The following FMN2 variants were observed in gnomAD, a reference collection of about 807,000 sequenced individuals.
FMN2 encodes the protein formin-2.
A neutral mutation model predicts 142.3 loss-of-function variants in FMN2; 51 were observed. The ratio of observed to expected loss-of-function variants is 0.36; its 90% confidence interval spans 0.29 to 0.45. FMN2 has a LOEUF of 0.45. FMN2 is among the 20% of genes least tolerant of loss of function. The pLI, the probability that FMN2 is intolerant of heterozygous loss-of-function variation, is 1.00. For missense variants in FMN2, 1,936 were observed against 2,122.8 expected, an observed-to-expected ratio of 0.91 and a Z score of 1.73; for synonymous variants, 882 against 869.8, an observed-to-expected ratio of 1.01 and a Z score of -0.25.
In FMN2 at chr1:240,222,970, C is replaced by T. The variant is rs142094846; in HGVS notation, c.4065+11735C>T. ...CAATTTGACTTCCTATTTGAATACC[C>T]TTTATTTCTTTCTTTTGCCTGATTG... On this transcript the variant is annotated intron_variant, in intron 6 of 17. Coordinates refer to ENST00000319653, the MANE Select transcript of FMN2 (RefSeq NM_020066.5). 4.5e-3 allele frequency among the ~76,000 whole-genome samples: 681 copies of T among 152,126 alleles called. 5 individuals are homozygous for T. The highest frequency in any genetic ancestry group is 0.016 in the African/African-American group (666 of 41,518).
At chr1:240,286,422 C>T (rs1669592323) in intron 7 of FMN2, among the ~76,000 whole-genome samples, 1 of 152,192 alleles carries the variant, frequency 6.6e-6, no homozygotes, top group Non-Finnish European at 1.5e-5. Context: ...TCATCCAGTG[C>T]TCCTTGTTTC....
intron 16 of FMN2, among the ~76,000 whole-genome samples, chr1:240,461,270 C>A (rs1186844016): frequency 2.0e-5 from 3 of 152,110 alleles, no homozygotes; most frequent in Non-Finnish European, 4.4e-5. Context: ...GGTAATTTGG[C>A]CATTTTAAGT....
intron 14 of FMN2, among the ~76,000 whole-genome samples, chr1:240,373,738 C>T (rs938211762): frequency 6.6e-6 from 1 of 152,156 alleles, no homozygotes; most frequent in African/African-American, 2.4e-5. Context: ...AGACTTGAGC[C>T]CCTGCAAGTC....
At chr1:240,467,951 A>AT (rs549001801) in intron 16 of FMN2, among the ~76,000 whole-genome samples, 26 of 151,796 alleles carry the variant, frequency 1.7e-4, no homozygotes, top group African/African-American at 2.9e-4. Flanking sequence ...GTGTTGTTTG[A>AT]TTTTTTTTCC....
chr1:240,251,648 A>T (rs759756501), intron 6 of FMN2, among the ~76,000 whole-genome samples: 1 of 152,086 alleles, frequency 6.6e-6, no homozygotes, highest in Non-Finnish European at 1.5e-5. Flanking sequence ...AGATGATCCT[A>T]CTGTTGCTGA....
chr1:240,313,387 C>T (rs1670659443), intron 8 of FMN2, among the ~76,000 whole-genome samples: 1 of 152,036 alleles, frequency 6.6e-6, no homozygotes, highest in South Asian at 2.1e-4. Context: ...TAAAGTAGTG[C>T]AGTAATGTAT....
intron 13 of FMN2, 138 bp downstream of exon 13, chr1:240,334,367 A>T (rs555308282): frequency 4.9e-6 from 5 of 1,023,966 alleles, no homozygotes; most frequent in East Asian, 5.6e-5. Context: ...CGAAAGAACA[A>T]TTTTGCCTAT....
intron 14 of FMN2, among the ~76,000 whole-genome samples, chr1:240,372,706 A>G (rs2103071195): frequency 6.6e-6 from 1 of 150,918 alleles, no homozygotes; most frequent in African/African-American, 2.4e-5. Context: ...GATATTACAG[A>G]CCACCACAGT....
intron 2 of FMN2, among the ~76,000 whole-genome samples, chr1:240,165,729 A>G (rs938139051): frequency 4.6e-5 from 7 of 151,986 alleles, no homozygotes; most frequent in South Asian, 2.1e-4. Context: ...CTGGGGCACT[A>G]ATATTCCAAG....
rs755962040 is a variant in FMN2, at chr1:240,211,222, C to A, written c.4052C>A (p.Thr1351Lys). 14 of 1,611,490 alleles carry A rather than the reference C, an allele frequency of 8.7e-6. No individual in the cohort carries two copies. Among genetic ancestry groups the A allele is most frequent in the Non-Finnish European group, 1.2e-5 (14 of 1,179,394 alleles). Residue 1351 changes from threonine (T) to lysine (K), a missense_variant, in exon 6 of 18, where the codon ACG becomes AAG. Thr to Lys is a moderately conservative substitution (Grantham distance 78). This residue lies in a region of FMN2 where 259 missense variants were observed against 230.9 expected (regional missense o/e 1.12). Transcript: ENST00000319653. Reference protein sequence around the residue: ...KKPISDTISKTKAKQVVKLLS... With the variant: ...KKPISDTISKKKAKQVVKLLS... ...CCTATCTCTGATACTATCTCAAAGA[C>A]GAAGGCTAAACAAGTGAGTATTTTT... is the stretch of plus-strand genomic sequence containing the variant.
At chr1:240,235,280 A>G (rs1291447547) in intron 6 of FMN2, among the ~76,000 whole-genome samples, 1 of 152,210 alleles carries the variant, frequency 6.6e-6, no homozygotes, top group Non-Finnish European at 1.5e-5. Flanking sequence ...TTGCACGATT[A>G]AATAGAAAGA....
At chr1:240,467,536 G>A (rs1443381672) in intron 16 of FMN2, among the ~76,000 whole-genome samples, 2 of 152,146 alleles carry the variant, frequency 1.3e-5, no homozygotes, top group Admixed American at 6.5e-5. Flanking sequence ...AAAGTGCTGG[G>A]ATTATAGGCG....
intron 8 of FMN2, among the ~76,000 whole-genome samples, chr1:240,315,168 T>C (rs1207875018): frequency 6.6e-6 from 1 of 152,198 alleles, no homozygotes; most frequent in Admixed American, 6.5e-5. Flanking sequence ...AGACTAAGCA[T>C]ATTGTAGTTT....
chr1:240,135,430 A>G (rs1315650865), intron 2 of FMN2, among the ~76,000 whole-genome samples: 1 of 152,192 alleles, frequency 6.6e-6, no homozygotes, highest in African/African-American at 2.4e-5. Context: ...GAATATAATA[A>G]GTGGATATGT....
chr1:240,442,101 A>G (rs933855664), intron 16 of FMN2, among the ~76,000 whole-genome samples: 7 of 152,098 alleles, frequency 4.6e-5, no homozygotes, highest in African/African-American at 1.7e-4. Context: ...TCCGTGATCC[A>G]TGTGTCTTTT....
chr1:240,190,095 G>T (rs1369914554), intron 4 of FMN2, among the ~76,000 whole-genome samples: 2 of 152,150 alleles, frequency 1.3e-5, no homozygotes, highest in Non-Finnish European at 2.9e-5. Context: ...ATTCATGTGT[G>T]TAACATTATA....
At chr1:240,368,781 T>G (rs537399144) in intron 14 of FMN2, among the ~76,000 whole-genome samples, 1 of 152,262 alleles carries the variant, frequency 6.6e-6, no homozygotes, top group African/African-American at 2.4e-5. Context: ...ATAAATATTT[T>G]GGCCATCTTT....
chr1:240,209,234 C>T (rs1340703847), intron 5 of FMN2, among the ~76,000 whole-genome samples: 3 of 144,032 alleles, frequency 2.1e-5, no homozygotes, highest in Non-Finnish European at 3.0e-5. Flanking sequence ...AAATGTAAAT[C>T]AAATTCTTAA....
intron 6 of FMN2, among the ~76,000 whole-genome samples, chr1:240,242,746 A>C (rs560922526): frequency 1.7e-4 from 26 of 152,306 alleles, no homozygotes; most frequent in African/African-American, 6.0e-4. Flanking sequence ...CAAACAAAGC[A>C]AGACGCTTTC....
Sources: allele counts gnomAD v4.1 joint callset (sites outside exome capture counted in the v4.1 genomes callset), GRCh38; gene constraint gnomAD v4.1.1; regional missense constraint gnomAD v4.1.1; transcripts MANE v1.5; gene names NCBI Gene and HGNC (gene_info 2026-07-23, HGNC 2026-07-21).